The following RPAP2 variants were observed in gnomAD, a reference collection of about 807,000 sequenced individuals.
The protein encoded by RPAP2 is RNA polymerase II associated protein 2.
Under a neutral mutation model 73.1 loss-of-function variants are expected in RPAP2, and 52 were observed. The ratio of observed to expected loss-of-function variants is 0.71; its 90% CI spans 0.57 to 0.90. The LOEUF is 0.90. Ranked by LOEUF, RPAP2 falls within the 40% of genes least tolerant of loss-of-function variation. The pLI, the probability that RPAP2 is intolerant of heterozygous loss-of-function variation, is 0.00. For missense variants in RPAP2, 598 were observed against 701.8 expected, an observed-to-expected ratio of 0.85 and a Z score of 1.67; for synonymous variants, 225 against 242.1, an observed-to-expected ratio of 0.93 and a Z score of 0.65.
chr1:92,369,855 GAT>G (rs1655077525), intron 11 of RPAP2, among the ~76,000 whole-genome samples: 1 of 152,156 alleles, frequency 6.6e-6, no homozygotes, highest in Non-Finnish European at 1.5e-5. Flanking sequence ...TTCAAAGAAA[GAT>G]AACCTGAAAG....
chr1:92,337,472 A>G (rs957903815), intron 10 of RPAP2, among the ~76,000 whole-genome samples: 1 of 152,168 alleles, frequency 6.6e-6, no homozygotes, highest in African/African-American at 2.4e-5. Context: ...TTCATAGTTT[A>G]AGGCAAACCT....
At chr1:92,304,911 G>A (rs1013179323) in intron 5 of RPAP2, among the ~76,000 whole-genome samples, 2 of 151,090 alleles carry the variant, frequency 1.3e-5, no homozygotes, top group African/African-American at 2.4e-5. Context: ...CAAGGGGGGC[G>A]GATTACCTGA....
At chr1:92,321,666 A>C (rs935388034) in intron 7 of RPAP2, among the ~76,000 whole-genome samples, 11 of 152,084 alleles carry the variant, frequency 7.2e-5, no homozygotes, top group Non-Finnish European at 1.3e-4. Context: ...TGAAAATTGA[A>C]GAACATTGTC....
intron 9 of RPAP2, among the ~76,000 whole-genome samples, chr1:92,334,581 C>T (rs1321909458): frequency 6.6e-6 from 1 of 152,122 alleles, no homozygotes; most frequent in Non-Finnish European, 1.5e-5. Context: ...GGTGTGGTGG[C>T]TCATGCCTGT....
Position 92,391,921 on chromosome 1 carries a change from C to T in RPAP2, c.*4910C>T, listed in dbSNP as rs1260440662. On this transcript the variant is annotated 3_prime_UTR_variant, in exon 13 of 13. Transcript: ENST00000610020. Reference sequence around the variant, plus strand: ...CTACCAACCAAAAAAAGTCCAGGACCAGACGGATTCACAGCCAAATTCTAC... The same window carrying T: ...CTACCAACCAAAAAAAGTCCAGGACTAGACGGATTCACAGCCAAATTCTAC... The T allele has an allele frequency of 6.6e-6, 1 of 152,150 alleles. No individual in the cohort carries two copies. The highest frequency in any genetic ancestry group is 1.5e-5 in the Non-Finnish European group (1 of 68,026). 9.4% of individuals were successfully genotyped at this position (152,150 alleles called of 1,614,324 possible).
intron 4 of RPAP2, 30 bp from the exon 5 acceptor site, chr1:92,304,254 C>A: frequency 7.3e-7 from 1 of 1,368,390 alleles, no homozygotes; most frequent in Non-Finnish European, 1.0e-6. Flanking sequence ...TATTTGGATT[C>A]TTTTGTAAGC....
At chr1:92,302,035 C>T (rs900159878) in intron 3 of RPAP2, among the ~76,000 whole-genome samples, 1 of 152,258 alleles carries the variant, frequency 6.6e-6, no homozygotes, top group Non-Finnish European at 1.5e-5. Flanking sequence ...AATCCCAGCA[C>T]TTTGGGAGGC....
intron 6 of RPAP2, among the ~76,000 whole-genome samples, chr1:92,307,978 C>G (rs1651350870): frequency 6.6e-6 from 1 of 151,608 alleles, no homozygotes; most frequent in Admixed American, 6.6e-5. Context: ...TGTATTATAG[C>G]AACACAAGGC....
intron 9 of RPAP2, among the ~76,000 whole-genome samples, chr1:92,334,582 T>C (rs1653161509): frequency 6.6e-6 from 1 of 152,128 alleles, no homozygotes; most frequent in Non-Finnish European, 1.5e-5. Flanking sequence ...GTGTGGTGGC[T>C]CATGCCTGTA....
Position 92,401,105 on chromosome 1 carries a change from A to G in RPAP2, c.*14094A>G, listed in dbSNP as rs1170212929. ...AGGGGAGAACCACCCCCATGATCCAATCACCTTCCACGAGGTCCCTCCCCC... is the reference window on the plus strand; with the variant it reads ...AGGGGAGAACCACCCCCATGATCCAGTCACCTTCCACGAGGTCCCTCCCCC... On this transcript the variant is annotated 3_prime_UTR_variant, in exon 13 of 13. Coordinates refer to ENST00000610020, the MANE Select transcript of RPAP2 (RefSeq NM_024813.3). The G allele has an allele frequency of 2.0e-5, 3 of 152,200 alleles. No individual in the cohort carries two copies. The highest frequency in any genetic ancestry group is 7.2e-5 in the African/African-American group (3 of 41,440). The allele number at this position is 152,200 out of a possible 1,614,324, so 9.4% of individuals were successfully genotyped here. A position where few individuals can be genotyped will look rare whatever the true frequency, so the allele number is the denominator to read the frequency against.
At chr1:92,338,251 G>A (rs1470041783) in intron 10 of RPAP2, among the ~76,000 whole-genome samples, 1 of 152,074 alleles carries the variant, frequency 6.6e-6, no homozygotes, top group Non-Finnish European at 1.5e-5. Context: ...CCCTCATTAG[G>A]TGTCATGAAA....
chr1:92,320,199 G>C (rs1360816757), intron 6 of RPAP2, among the ~76,000 whole-genome samples: 1 of 152,120 alleles, frequency 6.6e-6, no homozygotes, highest in Non-Finnish European at 1.5e-5. Context: ...CCTGAAAAGT[G>C]AGTATAGTTT....
At chr1:92,386,878 T>C in intron 12 of RPAP2, 133 bp from the exon 13 acceptor site, 1 of 588,272 alleles carries the variant, frequency 1.7e-6, no homozygotes, top group East Asian at 3.1e-5. Flanking sequence ...CTTTTTGGGT[T>C]TTTTTGTATT....
rs1656197749 is a variant in RPAP2 at position 92,396,936 on chromosome 1, A to C, written c.*9925A>C. On this transcript the variant is annotated 3_prime_UTR_variant, in exon 13 of 13. Coordinates refer to ENST00000610020, the MANE Select transcript of RPAP2 (RefSeq NM_024813.3). ...ATTACAGGCGTGAGCCACCACACCC[A>C]GCCATTTTTGCACAACTTTATAAAC... 1 of 152,106 alleles carries C rather than the reference A, an allele frequency of 6.6e-6. No individual in the cohort carries two copies. Among genetic ancestry groups the C allele is most frequent in the Non-Finnish European group, 1.5e-5 (1 of 68,034 alleles). The allele number at this position is 152,106 out of a possible 1,614,324, so 9.4% of individuals were successfully genotyped here.
chr1:92,363,331 C>A (rs1247627036), intron 11 of RPAP2, among the ~76,000 whole-genome samples: 1 of 152,092 alleles, frequency 6.6e-6, no homozygotes, highest in African/African-American at 2.4e-5. Flanking sequence ...CATGATGGAA[C>A]AGGGCAGGTC....
At chr1:92,343,826 T>C (rs1381962991) in intron 10 of RPAP2, among the ~76,000 whole-genome samples, 2 of 151,744 alleles carry the variant, frequency 1.3e-5, no homozygotes, top group Non-Finnish European at 2.9e-5. Context: ...GTTTGGGAGG[T>C]AGAGGGCAAG....
chr1:92,369,668 A>G (rs568807945), intron 11 of RPAP2, among the ~76,000 whole-genome samples: 7 of 152,090 alleles, frequency 4.6e-5, no homozygotes, highest in African/African-American at 7.2e-5. Context: ...AGTCCCTTTC[A>G]TTGTGTATTG....
chr1:92,320,708 A>G (rs992310930), intron 7 of RPAP2, 74 bp downstream of exon 7: 4 of 1,224,972 alleles, frequency 3.3e-6, no homozygotes, highest in East Asian at 2.4e-5. Flanking sequence ...ACCAGGTGAT[A>G]TGAGCTCTTG....
intron 11 of RPAP2, among the ~76,000 whole-genome samples, chr1:92,366,079 A>G (rs569411010): frequency 6.6e-6 from 1 of 152,376 alleles, no homozygotes; most frequent in South Asian, 2.1e-4. Flanking sequence ...CTAGGAAAGA[A>G]CTGGCATTCA....
Sources: gnomAD v4.1 joint callset for allele counts (sites outside exome capture counted in the v4.1 genomes callset) on GRCh38, gnomAD v4.1.1 for gene constraint, MANE v1.5 for transcripts, NCBI Gene and HGNC (gene_info 2026-07-23, HGNC 2026-07-21) for gene names.